The following MUC5AC variants were observed in gnomAD, a reference collection of about 807,000 sequenced individuals.
MUC5AC encodes the protein mucin 5AC, oligomeric mucus/gel-forming, also known as mucin-5AC.
In MUC5AC, 158 loss-of-function variants were observed where a neutral mutation model predicts 169.7. That is an observed-to-expected ratio of 0.93 (90% CI 0.82 to 1.06). The LOEUF is 1.06. Ranked by LOEUF, MUC5AC falls within the 50% of genes least tolerant of loss-of-function variation. The probability of loss-of-function intolerance (pLI) is 0.00; values close to 1 mark genes in which losing one functional copy is unlikely to be tolerated. For missense variants in MUC5AC, 4,359 were observed against 3,089.9 expected (o/e 1.41, Z -9.74); for synonymous variants, 1,975 against 1,237.0 (o/e 1.60, Z -12.52).
Position 1,194,465 on chromosome 11 carries a change from G to A in MUC5AC, c.15007-22G>A, listed in dbSNP as rs576096912. The A allele has an allele frequency of 5.3e-5, 39 of 738,098 alleles. 1 individual carries two copies. The highest frequency in any genetic ancestry group is 3.6e-4 in the South Asian group (26 of 71,628). 45.7% of individuals were successfully genotyped at this position (738,098 alleles called of 1,614,324 possible). A position where few individuals can be genotyped will look rare whatever the true frequency, so the allele number is the denominator to read the frequency against. On this transcript the variant is annotated intron_variant, in intron 34 of 48. Transcript: ENST00000621226. ...CCGCCCGCCTGCCTTCTGACTTCCC[G>A]TCGACCACGCCCTGCGTCCAGATCA... is the stretch of plus-strand genomic sequence containing the variant.
At chr11:1,195,509 C>T (rs1861247582) in intron 36 of MUC5AC, among the ~76,000 whole-genome samples, 1 of 151,962 alleles carries the variant, frequency 6.6e-6, no homozygotes, top group Admixed American at 6.6e-5. Flanking sequence ...TGGAATGCTG[C>T]CAAGGGGTCA....
Position 1,193,417 on chromosome 11 carries a change from C to T in MUC5AC, c.14581-68C>T, listed in dbSNP as rs966187220. 1.5e-5 allele frequency: 10 copies of T among 661,502 alleles called. No individual in the cohort carries two copies. The African/African-American group carries it at 1.6e-4, about 11-fold the overall frequency. The allele number at this position is 661,502 out of a possible 1,614,324, so 41.0% of individuals were successfully genotyped here. On this transcript the variant is annotated intron_variant, in intron 32 of 48. Transcript: ENST00000621226. ...CACACGGGACTCTCGGGACTGTGACCCCGAGAACCAAGGGGTGCCCCGGAG... is the reference window on the plus strand; with the variant it reads ...CACACGGGACTCTCGGGACTGTGACTCCGAGAACCAAGGGGTGCCCCGGAG...
chr11:1,197,700 GC>G, intron 41 of MUC5AC, 61 bp downstream of exon 41: 2 of 644,940 alleles, frequency 3.1e-6, no homozygotes, highest in East Asian at 2.7e-5. Context: ...AGCCCACTCG[GC>G]CCGGACTTTG....
chr11:1,178,039 C>T (rs1161331793), intron 24 of MUC5AC, among the ~76,000 whole-genome samples: 1 of 152,234 alleles, frequency 6.6e-6, no homozygotes, highest in Middle Eastern at 3.2e-3. Context: ...CTCCCTGTGA[C>T]TGGGTCTAAG....
In MUC5AC at chr11:1,190,287, G is replaced by A. The variant is rs1465619843; in HGVS notation, c.12142G>A (p.Val4048Met). 8 of 705,494 alleles carry A rather than the reference G, an allele frequency of 1.1e-5. No individual in the cohort carries two copies. The highest frequency in any genetic ancestry group is 2.1e-5 in the Non-Finnish European group (8 of 388,756). The allele number at this position is 705,494 out of a possible 1,614,324, so 43.7% of individuals were successfully genotyped here. A position where few individuals can be genotyped will look rare whatever the true frequency, so the allele number is the denominator to read the frequency against. The change falls in exon 31 of 49, where the codon GTG becomes ATG. Residue 4048 changes from valine to methionine, a missense_variant. Coordinates refer to ENST00000621226, the MANE Select transcript of MUC5AC (RefSeq NM_001304359.2). ...GATGTGCCTCAACTACGAGGTGCGT[G>A]TGCTCTGCTGCGAGACCCCCAAAGG... ...FKMCLNYEVRVLCCETPKGCP... is the reference protein window; with the variant it reads ...FKMCLNYEVRMLCCETPKGCP...
chr11:1,179,288 C>T (rs1020644309), intron 26 of MUC5AC, 40 bp downstream of exon 26: 106 of 510,692 alleles, frequency 2.1e-4, no homozygotes, highest in Non-Finnish European at 2.7e-4. Flanking sequence ...CAGGAAGCGC[C>T]GGCAGCGTGT....
chr11:1,176,395 G>A (rs1310351170), intron 20 of MUC5AC, 119 bp from the exon 21 acceptor site: 14 of 398,706 alleles, frequency 3.5e-5, no homozygotes, highest in South Asian at 1.3e-4. Flanking sequence ...CTGCCCATGC[G>A]CTCCCGGACT....
chr11:1,189,503 T>A lies in MUC5AC; in HGVS notation c.11358T>A (p.Ala3786=), dbSNP rs1486502897. 3.5e-6 allele frequency: 2 copies of A among 577,892 alleles called. No individual in the cohort carries two copies. Among genetic ancestry groups the A allele is most frequent in the East Asian group, 5.6e-5 (2 of 35,872 alleles). The allele number at this position is 577,892 out of a possible 1,614,324, so 35.8% of individuals were successfully genotyped here. ...TSAPTTSTTS[A]PITSTISAPT... is the part of the protein sequence containing the mutation. Reference sequence around the variant, plus strand: ...CCCCTACAACTAGCACTACCTCTGCTCCCATAACCAGCACAATCTCTGCCC... The same window carrying A: ...CCCCTACAACTAGCACTACCTCTGCACCCATAACCAGCACAATCTCTGCCC... The change falls in exon 31 of 49, where the codon GCT becomes GCA. Residue 3786 remains alanine (A), a synonymous_variant. Transcript: ENST00000621226.
At chr11:1,171,266 TCACTCAC>T (rs1860516187) in intron 15 of MUC5AC, among the ~76,000 whole-genome samples, 1 of 82,054 alleles carries the variant, frequency 1.2e-5, no homozygotes, top group Non-Finnish European at 2.6e-5. Flanking sequence ...ACTCACCCAC[TCACTCAC>T]CCACTCACTC....
At position 1,185,861 on chromosome 11, in the gene MUC5AC, C is replaced by A. The variant is rs1590145607; in HGVS notation, c.7716C>A (p.Pro2572=). ...TSTTSGPGTT[P]SPVPTTSTTS... is the part of the protein sequence containing the mutation. ...CAACCTCTGGTCCTGGAACTACTCCCAGCCCTGTTCCTACCACGAGCACAA... is the reference window on the plus strand; with the variant it reads ...CAACCTCTGGTCCTGGAACTACTCCAAGCCCTGTTCCTACCACGAGCACAA... Residue 2572 remains proline (P), a synonymous_variant, in exon 31 of 49, where the codon CCC becomes CCA. Coordinates refer to ENST00000621226, the MANE Select transcript of MUC5AC (RefSeq NM_001304359.2). 1.7e-5 allele frequency: 13 copies of A among 745,198 alleles called. No homozygotes were observed. The East Asian group carries it at 2.5e-4, about 14-fold the overall frequency. 46.2% of individuals were successfully genotyped at this position (745,198 alleles called of 1,614,324 possible). A position where few individuals can be genotyped will look rare whatever the true frequency, so the allele number is the denominator to read the frequency against.
intron 25 of MUC5AC, 77 bp downstream of exon 25, chr11:1,178,760 AAT>A: frequency 1.3e-6 from 1 of 787,210 alleles, no homozygotes; most frequent in Admixed American, 4.2e-5. Flanking sequence ...GGGAGAAGGG[AAT>A]GGGGTCTGGG....
intron 16 of MUC5AC, among the ~76,000 whole-genome samples, chr11:1,173,853 CA>C (rs1860613429): frequency 7.1e-6 from 1 of 139,882 alleles, no homozygotes. Context: ...CTAATTCCTT[CA>C]CCTACTCATT....
chr11:1,161,436 G>C, intron 2 of MUC5AC, 91 bp from the exon 3 acceptor site: 1 of 1,072,474 alleles, frequency 9.3e-7, no homozygotes, highest in Non-Finnish European at 1.3e-6. Context: ...CAGGAGCTGG[G>C]ACCTGCTGAC....
At position 1,174,541 on chromosome 11, in the gene MUC5AC, C is replaced by G; in HGVS notation, c.2011C>G (p.Leu671Val). ...TCNCERSEDC[L>V]CAALSSYVHA... Reference sequence around the variant, plus strand: ...CAACTGTGAGCGGAGCGAGGACTGCCTGTGCGCCGCGCTGTCCTCCTACGT... The same window carrying G: ...CAACTGTGAGCGGAGCGAGGACTGCGTGTGCGCCGCGCTGTCCTCCTACGT... Residue 671 changes from leucine to valine, a missense_variant, in exon 17 of 49, where the codon CTG (leucine) becomes GTG (valine). Transcript: ENST00000621226. The G allele has an allele frequency of 6.4e-7, 1 of 1,564,956 alleles. No individual in the cohort carries two copies. Among genetic ancestry groups the G allele is most frequent in the Non-Finnish European group, 8.6e-7 (1 of 1,157,258 alleles).
rs984813474 is a variant in MUC5AC, at chr11:1,180,115, G to A, written c.3578G>A (p.Arg1193His). The A allele has an allele frequency of 4.1e-4, 164 of 398,940 alleles. No individual in the cohort carries two copies. Among genetic ancestry groups the A allele is most frequent in the Non-Finnish European group, 5.0e-4 (113 of 226,242 alleles). The allele number at this position is 398,940 out of a possible 1,614,324, so 24.7% of individuals were successfully genotyped here. A position where few individuals can be genotyped will look rare whatever the true frequency, so the allele number is the denominator to read the frequency against. The change falls in exon 27 of 49, where the codon CGT (arginine) becomes CAT (histidine). Residue 1193 changes from arginine to histidine, a missense_variant. Arg to His is a conservative substitution (Grantham distance 29, BLOSUM62 0). Coordinates refer to ENST00000621226, the MANE Select transcript of MUC5AC (RefSeq NM_001304359.2). ...VPCLRTCRNP[R>H]GDCLRDVRGL... ...TGCCTGCGCACCTGCCGGAACCCCC[G>A]TGGAGACTGCCTGCGGGACGTCCGG...
chr11:1,164,639 C>A, intron 9 of MUC5AC, 107 bp downstream of exon 9: 1 of 1,422,584 alleles, frequency 7.0e-7, no homozygotes, highest in Non-Finnish European at 9.3e-7. Flanking sequence ...GTGTCCCGGG[C>A]CCCTGAGGCT....
chr11:1,161,245 GT>G (rs1554924466), intron 2 of MUC5AC, among the ~76,000 whole-genome samples: 2 of 152,162 alleles, frequency 1.3e-5, no homozygotes, highest in Non-Finnish European at 2.9e-5. Context: ...GCAGACTCAG[GT>G]TCTGAGGCCC....
chr11:1,188,216 G>C lies in MUC5AC; in HGVS notation c.10071G>C (p.Arg3357Ser), dbSNP rs2133761867. Residue 3357 changes from arginine (R) to serine (S), a missense_variant, in exon 31 of 49, where the codon AGG (arginine) becomes AGC (serine). Arg to Ser is a moderately radical substitution (Grantham distance 110). Transcript: ENST00000621226. ...TQSTSSWQKS[R>S]TTTLVTTSTT... ...GCACTTCCTCTTGGCAGAAATCCAGGACAACCACTTTGGTGACAACCAGCA... is the reference window on the plus strand; with the variant it reads ...GCACTTCCTCTTGGCAGAAATCCAGCACAACCACTTTGGTGACAACCAGCA... 1.5e-6 allele frequency: 1 copy of C among 681,006 alleles called. No homozygotes were observed. The highest frequency in any genetic ancestry group is 2.7e-6 in the Non-Finnish European group (1 of 375,158). 42.2% of individuals were successfully genotyped at this position (681,006 alleles called of 1,614,324 possible). A position where few individuals can be genotyped will look rare whatever the true frequency, so the allele number is the denominator to read the frequency against.
At position 1,189,886 on chromosome 11, in the gene MUC5AC, G is replaced by C; in HGVS notation, c.11741G>C (p.Gly3914Ala). The C allele has an allele frequency of 1.3e-6, 1 of 764,836 alleles. No individual in the cohort carries two copies. The highest frequency in any genetic ancestry group is 2.4e-6 in the Non-Finnish European group (1 of 417,740). The allele number at this position is 764,836 out of a possible 1,614,324, so 47.4% of individuals were successfully genotyped here. The change falls in exon 31 of 49, where the codon GGT becomes GCT. Residue 3914 changes from glycine to alanine, a missense_variant. Coordinates refer to ENST00000621226, the MANE Select transcript of MUC5AC (RefSeq NM_001304359.2). ...TSAATSSTTSGSGTTPSPVPT... is the reference protein window; with the variant it reads ...TSAATSSTTSASGTTPSPVPT... The stretch of plus-strand genomic sequence containing the variant: ...GCTGCTACAAGCAGCACAACCTCCG[G>C]TTCTGGAACTACTCCCAGCCCCGTT...
Sources: gnomAD v4.1 joint callset for allele counts (sites outside exome capture counted in the v4.1 genomes callset) on GRCh38, gnomAD v4.1.1 for gene constraint, MANE v1.5 for transcripts, NCBI Gene and HGNC (gene_info 2026-07-23, HGNC 2026-07-21) for gene names.